TRIM14: variants seen among roughly 807,000 people sequenced by gnomAD.
TRIM14 encodes tripartite motif containing 14.
A neutral mutation model predicts 44.5 loss-of-function variants in TRIM14; 28 were observed. The ratio of observed to expected loss-of-function variants is 0.63; its 90% CI spans 0.47 to 0.86. TRIM14 has a LOEUF of 0.86. TRIM14 is among the 40% of genes least tolerant of loss of function. The probability of loss-of-function intolerance (pLI) is 0.00; values close to 1 mark genes in which losing one functional copy is unlikely to be tolerated. For missense variants in TRIM14, 607 were observed against 611.1 expected (o/e 0.99, Z 0.07); for synonymous variants, 299 against 269.2 (o/e 1.11, Z -1.08).
downstream of TRIM14, chr9:98,083,022 G>A (rs1292637732): frequency 6.2e-7 from 1 of 1,614,104 alleles, no homozygotes; most frequent in African/African-American, 1.3e-5. Context: ...TGGAAGAATT[G>A]GTAGATAATC....
rs137920777 is a variant in TRIM14, at chr9:98,091,377, T to A, written c.793+532A>T. Reference sequence around the variant, plus strand: ...GAGGCTGAGGTGGGAAAATCATTTGTGCCCAAGAGGTCGAGGCTGCAGTGA... The same window carrying A: ...GAGGCTGAGGTGGGAAAATCATTTGAGCCCAAGAGGTCGAGGCTGCAGTGA... On this transcript the variant is annotated intron_variant, in intron 5 of 5. Coordinates refer to ENST00000341469, the MANE Select transcript of TRIM14 (RefSeq NM_014788.4). Among the ~76,000 whole-genome samples, 868 of 152,236 alleles carry A rather than the reference T, an allele frequency of 5.7e-3. 5 individuals carry two copies. Among genetic ancestry groups the A allele is most frequent in the African/African-American group, 0.02 (821 of 41,540 alleles).
rs1587984193 is a variant in TRIM14 at position 98,119,197 on chromosome 9, A to C, written c.-9T>G. 1 of 1,564,938 alleles carries C rather than the reference A, an allele frequency of 6.4e-7. No homozygotes were observed. The highest frequency in any genetic ancestry group is 1.8e-5 in the Admixed American group (1 of 56,314). On this transcript the variant is annotated 5_prime_UTR_variant, in exon 1 of 6. Coordinates refer to ENST00000341469, the MANE Select transcript of TRIM14 (RefSeq NM_014788.4). ...GTCGCCGCGCCCGCCATTCATCTCC[A>C]CCTCCTCCGGCTCCCCGGGACACAG...
At chr9:98,060,652 A>G in the TRIM14 span, 10 of 905,330 alleles carry the variant, frequency 1.1e-5, no homozygotes, top group African/African-American at 1.7e-5. Flanking sequence ...GCCTGGGTGA[A>G]AGAGCGAAAC....
the TRIM14 span, among the ~76,000 whole-genome samples, chr9:98,037,132 C>T: frequency 2.6e-5 from 4 of 151,934 alleles, no homozygotes; most frequent in African/African-American, 9.7e-5. Flanking sequence ...AATCCCAGCA[C>T]TTTGGGAGGC....
chr9:98,075,693 C>T (rs1829560410), intron 6 of TRIM14: 1 of 152,114 alleles, frequency 6.6e-6, no homozygotes, highest in South Asian at 2.1e-4. Context: ...TGATTTCCAA[C>T]TTCAAAACAA....
At chr9:98,079,508 C>G (rs541296015), downstream of TRIM14, among the ~76,000 whole-genome samples, 2 of 152,258 alleles carry the variant, frequency 1.3e-5, no homozygotes, top group African/African-American at 2.4e-5. Context: ...TGACATTACT[C>G]TCTTTTTACC....
At chr9:98,074,095 A>AT (rs1326645115) in intron 6 of TRIM14, among the ~76,000 whole-genome samples, 3 of 152,288 alleles carry the variant, frequency 2.0e-5, no homozygotes, top group East Asian at 1.9e-4. Flanking sequence ...CAGAATTAAT[A>AT]AAGTTCTGAG....
the TRIM14 span, among the ~76,000 whole-genome samples, chr9:98,048,655 A>G: frequency 6.6e-6 from 1 of 152,246 alleles, no homozygotes; most frequent in Non-Finnish European, 1.5e-5. Context: ...TAATTTAGGC[A>G]GGTCAGATAT....
chr9:98,099,734 T>C (rs1826318149), intron 3 of TRIM14, among the ~76,000 whole-genome samples, 197 bp downstream of exon 3: 1 of 152,232 alleles, frequency 6.6e-6, no homozygotes, highest in African/African-American at 2.4e-5. Context: ...ATTATTTAAT[T>C]AGCCCAAGAG....
At chr9:98,067,423 A>G (rs1829180733), downstream of TRIM14, among the ~76,000 whole-genome samples, 1 of 152,034 alleles carries the variant, frequency 6.6e-6, no homozygotes, top group Admixed American at 6.6e-5. Flanking sequence ...TTACCTCCTG[A>G]TTCTAGCCAT....
chr9:98,094,608 A>G (rs1249585970), intron 4 of TRIM14, among the ~76,000 whole-genome samples: 2 of 152,188 alleles, frequency 1.3e-5, no homozygotes, highest in Non-Finnish European at 2.9e-5. Flanking sequence ...CAAGGCTGAG[A>G]TGTGGCAGGC....
At chr9:98,075,146 A>AAATT (rs1829524590) in intron 6 of TRIM14, 1 of 143,890 alleles carries the variant, frequency 6.9e-6, no homozygotes, top group East Asian at 2.1e-4. Flanking sequence ...TCTCCACAGC[A>AAATT]AATTAAAAAA....
intron 6 of TRIM14, chr9:98,077,075 T>C: frequency 7.6e-7 from 1 of 1,314,462 alleles, no homozygotes; most frequent in Non-Finnish European, 1.1e-6. Flanking sequence ...ATATTTTTAC[T>C]CCCCTCATGG....
intron 1 of TRIM14, among the ~76,000 whole-genome samples, chr9:98,118,219 A>G (rs763520030): frequency 2.0e-5 from 3 of 150,868 alleles, no homozygotes; most frequent in Non-Finnish European, 4.4e-5. Flanking sequence ...AGCCACAGAA[A>G]AAGTCAGCTG....
At chr9:98,092,497 C>T in intron 4 of TRIM14, 1 of 427,300 alleles carries the variant, frequency 2.3e-6, no homozygotes, top group South Asian at 1.7e-5. Flanking sequence ...TCACTCAGCA[C>T]CTCCGCAGAA....
chr9:98,078,987 C>G (rs562972210), intron 6 of TRIM14, among the ~76,000 whole-genome samples: 11 of 152,052 alleles, frequency 7.2e-5, no homozygotes, highest in Non-Finnish European at 1.0e-4. Context: ...CTTGAAACTT[C>G]CTGGCTTTTT....
At chr9:98,059,094 G>A in the TRIM14 span, among the ~76,000 whole-genome samples, 1 of 152,002 alleles carries the variant, frequency 6.6e-6, no homozygotes, top group Admixed American at 6.6e-5. Context: ...CGTGATCTCG[G>A]CTTACTGCAA....
the TRIM14 span, among the ~76,000 whole-genome samples, chr9:98,044,063 T>A: frequency 1.3e-5 from 2 of 149,734 alleles, no homozygotes; most frequent in Non-Finnish European, 3.0e-5. Context: ...AGGGCTTTTG[T>A]GGAGTGGGTC....
chr9:98,100,757 A>G (rs1826360605), intron 2 of TRIM14, among the ~76,000 whole-genome samples: 1 of 152,144 alleles, frequency 6.6e-6, no homozygotes, highest in Admixed American at 6.5e-5. Context: ...AAATGTATGT[A>G]TGTGTATGTG....
Sources: gnomAD v4.1 joint callset for allele counts (sites outside exome capture counted in the v4.1 genomes callset) on GRCh38, gnomAD v4.1.1 for gene constraint, MANE v1.5 for transcripts, NCBI Gene and HGNC (gene_info 2026-07-23, HGNC 2026-07-21) for gene names.